The following SH3GL2 variants were observed in gnomAD, a reference collection of about 807,000 sequenced individuals.
SH3GL2 encodes SH3 domain containing GRB2 like 2, endophilin A1.
In SH3GL2, 24 loss-of-function variants were observed where a neutral mutation model predicts 46.0. The observed-to-expected ratio is 0.52, with a 90% CI of 0.38 to 0.73. The LOEUF (loss-of-function observed/expected upper bound fraction) is 0.73, where lower values mean the gene tolerates loss of function less well. SH3GL2 is among the 30% of genes least tolerant of loss of function. The pLI is 0.00. For missense variants in SH3GL2, 413 were observed against 424.2 expected (o/e 0.97, Z 0.23); for synonymous variants, 196 against 147.1 (o/e 1.33, Z -2.40).
At chr9:17,783,518 G>T (rs1394718364) in intron 3 of SH3GL2, among the ~76,000 whole-genome samples, 1 of 151,944 alleles carries the variant, frequency 6.6e-6, no homozygotes, top group African/African-American at 2.4e-5. Flanking sequence ...TCTCCCTTTG[G>T]CTGTTCCCAG....
intron 1 of SH3GL2, among the ~76,000 whole-genome samples, chr9:17,611,591 C>A (rs1385156345): frequency 6.6e-6 from 1 of 152,176 alleles, no homozygotes; most frequent in Non-Finnish European, 1.5e-5. Context: ...CTGAGGCTCC[C>A]TGTTACTGAG....
intron 1 of SH3GL2, among the ~76,000 whole-genome samples, chr9:17,649,317 T>G (rs760444743): frequency 8.5e-5 from 13 of 152,206 alleles, no homozygotes; most frequent in Admixed American, 3.3e-4. Flanking sequence ...ACCACCTGCC[T>G]TGGCCTCCCA....
intron 2 of SH3GL2, among the ~76,000 whole-genome samples, chr9:17,751,714 A>T (rs940667073): frequency 6.6e-6 from 1 of 152,022 alleles, no homozygotes; most frequent in Non-Finnish European, 1.5e-5. Context: ...GATTCCAGTG[A>T]TCTCTCTCAA....
At position 17,786,490 on chromosome 9, in the gene SH3GL2, A is replaced by T; in HGVS notation, c.297A>T (p.Lys99Asn). The change falls in exon 4 of 9, where the codon AAA (lysine) becomes AAT (asparagine). Residue 99 changes from lysine (K) to asparagine (N), a missense_variant. Coordinates refer to ENST00000380607, the MANE Select transcript of SH3GL2 (RefSeq NM_003026.5). ...AEALLAEAML[K>N]FGRELGDDCN... is the part of the protein sequence containing the mutation. ...CGCTGCTGGCAGAGGCCATGCTCAA[A>T]TTTGGAAGAGAGCTTGGAGATGATT... The T allele has an allele frequency of 6.2e-7, 1 of 1,613,474 alleles. No individual in the cohort carries two copies. The highest frequency in any genetic ancestry group is 8.5e-7 in the Non-Finnish European group (1 of 1,179,658).
At chr9:17,600,141 A>T (rs933181259) in intron 1 of SH3GL2, among the ~76,000 whole-genome samples, 1 of 152,234 alleles carries the variant, frequency 6.6e-6, no homozygotes. Flanking sequence ...ACAAAAAAGT[A>T]CCTGGGTGCA....
chr9:17,751,861 G>A (rs1385689466), intron 2 of SH3GL2, among the ~76,000 whole-genome samples: 3 of 152,062 alleles, frequency 2.0e-5, no homozygotes, highest in Admixed American at 6.6e-5. Flanking sequence ...ACACCCCCCC[G>A]GTGTGGGGAT....
intron 1 of SH3GL2, among the ~76,000 whole-genome samples, chr9:17,605,796 T>C (rs1336130732): frequency 6.6e-6 from 1 of 152,206 alleles, no homozygotes; most frequent in Admixed American, 6.5e-5. Context: ...ACTCTCAATA[T>C]TGTGGACATT....
chr9:17,679,116 C>G (rs532513976), intron 1 of SH3GL2, among the ~76,000 whole-genome samples: 25 of 152,066 alleles, frequency 1.6e-4, no homozygotes, highest in Non-Finnish European at 2.5e-4. Context: ...GCAATGCGGG[C>G]TCTTTTTTGG....
intron 8 of SH3GL2, among the ~76,000 whole-genome samples, chr9:17,794,246 GT>G (rs1311627160): frequency 6.6e-6 from 1 of 152,198 alleles, no homozygotes; most frequent in Non-Finnish European, 1.5e-5. Context: ...ACATTTGCTT[GT>G]TTGAAGTGGG....
At chr9:17,627,012 G>C (rs978595988) in intron 1 of SH3GL2, among the ~76,000 whole-genome samples, 1 of 152,112 alleles carries the variant, frequency 6.6e-6, no homozygotes, top group Admixed American at 6.5e-5. Flanking sequence ...CCCTGGTCGT[G>C]TGCTGGATGT....
intron 5 of SH3GL2, among the ~76,000 whole-genome samples, chr9:17,787,994 T>G (rs1234899326): frequency 1.3e-5 from 2 of 152,202 alleles, no homozygotes; most frequent in Non-Finnish European, 2.9e-5. Context: ...TCATAATGGT[T>G]GTTAGGATTG....
At chr9:17,733,760 C>T (rs1431572322) in intron 1 of SH3GL2, among the ~76,000 whole-genome samples, 1 of 152,044 alleles carries the variant, frequency 6.6e-6, no homozygotes, top group Non-Finnish European at 1.5e-5. Flanking sequence ...GAAAATGCGG[C>T]ACATATACAC....
At chr9:17,603,593 G>A (rs1818709116) in intron 1 of SH3GL2, among the ~76,000 whole-genome samples, 1 of 152,128 alleles carries the variant, frequency 6.6e-6, no homozygotes, top group South Asian at 2.1e-4. Context: ...GGGCGTGGTG[G>A]CTCACTCCTG....
At chr9:17,795,487 A>T in intron 8 of SH3GL2, 57 bp from the exon 9 acceptor site, 1 of 1,403,278 alleles carries the variant, frequency 7.1e-7, no homozygotes, top group Non-Finnish European at 1.0e-6. Context: ...AGATTCTGTG[A>T]GTTAAATACC....
At chr9:17,741,098 G>A (rs1475206907) in intron 1 of SH3GL2, among the ~76,000 whole-genome samples, 1 of 152,054 alleles carries the variant, frequency 6.6e-6, no homozygotes, top group Admixed American at 6.6e-5. Flanking sequence ...TGCAGATTAG[G>A]CAGGATAATT....
In SH3GL2 at chr9:17,716,567, C is replaced by G. The variant is rs191348993; in HGVS notation, c.46-30499C>G. On this transcript the variant is annotated intron_variant, in intron 1 of 8. Transcript: ENST00000380607. ...CCATGGCAGTGTGCTGAGTACTGTT[C>G]CCTCTACTGTTTTTGGATGGTTCTT... Among the ~76,000 whole-genome samples the G allele has an allele frequency of 4.1e-3, 627 of 152,230 alleles. 6 individuals carry two copies. Among genetic ancestry groups the G allele is most frequent in the African/African-American group, 0.013 (526 of 41,554 alleles).
chr9:17,647,958 A>G (rs1253031379), intron 1 of SH3GL2, among the ~76,000 whole-genome samples: 1 of 152,212 alleles, frequency 6.6e-6, no homozygotes, highest in Non-Finnish European at 1.5e-5. Context: ...ATGAAGATGA[A>G]GATGAAGACC....
At chr9:17,604,080 C>A (rs575102612) in intron 1 of SH3GL2, among the ~76,000 whole-genome samples, 1 of 152,302 alleles carries the variant, frequency 6.6e-6, no homozygotes, top group Non-Finnish European at 1.5e-5. Context: ...TGTTACAAAA[C>A]TGCTGGTGGG....
intron 1 of SH3GL2, among the ~76,000 whole-genome samples, chr9:17,679,163 G>A (rs1347674480): frequency 3.3e-5 from 5 of 152,088 alleles, no homozygotes; most frequent in Admixed American, 6.6e-5. Flanking sequence ...TTCCAATTCT[G>A]TGAAGAAAGT....
Sources: gnomAD v4.1 joint callset for allele counts (sites outside exome capture counted in the v4.1 genomes callset) on GRCh38, gnomAD v4.1.1 for gene constraint, MANE v1.5 for transcripts, NCBI Gene and HGNC (gene_info 2026-07-23, HGNC 2026-07-21) for gene names.